The following RAP1GAP2 variants were observed in gnomAD, a reference collection of about 807,000 sequenced individuals.
RAP1GAP2 encodes RAP1 GTPase activating protein 2.
Under a neutral mutation model 95.0 loss-of-function variants are expected in RAP1GAP2, and 27 were observed. That is an observed-to-expected ratio of 0.28 (90% CI 0.21 to 0.39). The LOEUF is 0.39. RAP1GAP2 is among the 10% of genes least tolerant of loss of function. The pLI is 1.00. For synonymous variants in RAP1GAP2, 373 were observed against 380.9 expected, an observed-to-expected ratio of 0.98 and a Z score of 0.24; for missense variants, 771 against 970.0, an observed-to-expected ratio of 0.79 and a Z score of 2.72.
intron 1 of RAP1GAP2, among the ~76,000 whole-genome samples, chr17:2,756,342 C>T (rs959663144): frequency 6.6e-6 from 1 of 152,226 alleles, no homozygotes; most frequent in Non-Finnish European, 1.5e-5. Context: ...GCGGGGCAGT[C>T]GCCCTTTCCC....
intron 1 of RAP1GAP2, among the ~76,000 whole-genome samples, chr17:2,777,731 G>A (rs1366513649): frequency 6.6e-6 from 1 of 152,200 alleles, no homozygotes; most frequent in Non-Finnish European, 1.5e-5. Flanking sequence ...GGGGTTTGCT[G>A]GGATGTGCCC....
intron 2 of RAP1GAP2, among the ~76,000 whole-genome samples, chr17:2,860,914 G>A (rs182431834): frequency 3.3e-5 from 5 of 151,986 alleles, no homozygotes; most frequent in East Asian, 3.9e-4. Flanking sequence ...CCGACTTTCC[G>A]TTATACTTTA....
intron 3 of RAP1GAP2, among the ~76,000 whole-genome samples, chr17:2,925,471 A>G (rs1036911): frequency 0.51 from 77,663 of 151,938 alleles, 20,796 homozygotes; most frequent in East Asian, 0.62. Flanking sequence ...ACGTAAACCC[A>G]TCAGATCTCA....
At chr17:2,765,960 A>G (rs1292354627) in intron 1 of RAP1GAP2, among the ~76,000 whole-genome samples, 1 of 151,922 alleles carries the variant, frequency 6.6e-6, no homozygotes, top group African/African-American at 2.4e-5. Context: ...CAGAGTGAGA[A>G]CCTGTCTCCA....
intron 1 of RAP1GAP2, among the ~76,000 whole-genome samples, chr17:2,798,075 G>C (rs1385098057): frequency 6.6e-6 from 1 of 152,232 alleles, no homozygotes; most frequent in Non-Finnish European, 1.5e-5. Flanking sequence ...GGGCAGGTGA[G>C]GGGGAAGACA....
upstream of RAP1GAP2, among the ~76,000 whole-genome samples, chr17:2,793,052 G>A (rs1490255797): frequency 3.3e-5 from 5 of 152,098 alleles, no homozygotes; most frequent in South Asian, 2.1e-4. Context: ...CTATCACCCC[G>A]CTTCTCTCTC....
At chr17:2,820,201 A>G (rs1421050641) in intron 2 of RAP1GAP2, among the ~76,000 whole-genome samples, 1 of 152,102 alleles carries the variant, frequency 6.6e-6, no homozygotes, top group African/African-American at 2.4e-5. Flanking sequence ...TGATATTGCA[A>G]GCAATGCTGC....
chr17:2,933,917 C>A (rs530694607), intron 3 of RAP1GAP2, among the ~76,000 whole-genome samples: 17 of 152,266 alleles, frequency 1.1e-4, no homozygotes, highest in African/African-American at 3.9e-4. Flanking sequence ...AGGAACCTTA[C>A]GCCTTAACCA....
chr17:2,800,246 G>A, intron 1 of RAP1GAP2: 1 of 984,506 alleles, frequency 1.0e-6, no homozygotes, highest in Non-Finnish European at 1.2e-6. Context: ...GACTGGGCCA[G>A]TGATTTTACC....
intron 2 of RAP1GAP2, among the ~76,000 whole-genome samples, chr17:2,895,006 C>T (rs1051022467): frequency 7.2e-5 from 11 of 152,132 alleles, no homozygotes; most frequent in African/African-American, 7.2e-5. Context: ...GTTCAGCATG[C>T]GGCACCTTTT....
Position 2,902,068 on chromosome 17 carries a change from G to C in RAP1GAP2, c.81-3216G>C, listed in dbSNP as rs2042041031. Among the ~76,000 whole-genome samples, 1 of 152,214 alleles carries C rather than the reference G, an allele frequency of 6.6e-6. No individual in the cohort carries two copies. The highest frequency in any genetic ancestry group is 6.5e-5 in the Admixed American group (1 of 15,284). ...CAGCAGGGCGACGCTCCCTCTGCAG[G>C]CTCTAGGGAAGAATCCTTCCTCGCC... On this transcript the variant is annotated intron_variant, in intron 2 of 24. Coordinates refer to ENST00000254695, the MANE Select transcript of RAP1GAP2 (RefSeq NM_015085.5). This position sits in a 1 kb window ranked among gnomAD's most constrained non-coding sequence, Gnocchi z 4.1.
Position 2,817,141 on chromosome 17 carries a change from C to T in RAP1GAP2, c.80+16591C>T, listed in dbSNP as rs769818554. Among the ~76,000 whole-genome samples the T allele has an allele frequency of 4.2e-5, 5 of 118,424 alleles. 2 individuals are homozygous for T. The highest frequency in any genetic ancestry group is 1.0e-4 in the Non-Finnish European group (5 of 49,560). 77.7% of individuals were successfully genotyped at this position (118,424 alleles called of 152,430 possible). The stretch of plus-strand genomic sequence containing the variant: ...TAGCTGGGATTACAGGTGTGCACCA[C>T]CACACAAGGCTAATTTCTGTATTTT... On this transcript the variant is annotated intron_variant, in intron 2 of 24. Transcript: ENST00000254695.
intron 2 of RAP1GAP2, among the ~76,000 whole-genome samples, chr17:2,806,096 C>T (rs989803286): frequency 7.2e-5 from 11 of 152,176 alleles, no homozygotes; most frequent in African/African-American, 2.4e-4. Context: ...ACGGGGAGGG[C>T]CTGGAGGAGC....
At chr17:3,018,219 G>A in intron 18 of RAP1GAP2, 21 bp downstream of exon 18, 1 of 1,544,632 alleles carries the variant, frequency 6.5e-7, no homozygotes, top group Non-Finnish European at 8.7e-7. Context: ...GCAGGCCCCG[G>A]GGCGGCAAGT....
chr17:2,965,638 C>A lies in RAP1GAP2; in HGVS notation c.591C>A (p.Ile197=), dbSNP rs761054321. Residue 197 remains isoleucine, a synonymous_variant, in exon 8 of 25, where the codon ATC becomes ATA. Transcript: ENST00000254695. The surrounding 1 kb of genome is among the most constrained non-coding windows in gnomAD (Gnocchi z 4.7). The part of the protein sequence containing the change: ...EAEGIEYLRV[I]LRSKLKTVHE... ...AGGGGATCGAGTACCTCCGGGTCAT[C>A]CTTAGGTAGGGCTGTTGCGCTGCTT... The A allele has an allele frequency of 6.2e-6, 10 of 1,605,466 alleles. No homozygotes were observed. In the East Asian group the frequency reaches 2.0e-4, roughly 32 times the overall value.
At chr17:2,941,217 C>T (rs929022044) in intron 3 of RAP1GAP2, among the ~76,000 whole-genome samples, 4 of 152,106 alleles carry the variant, frequency 2.6e-5, no homozygotes, top group Admixed American at 6.5e-5. Context: ...GCCTGGCCAA[C>T]GTGGTGAAAC....
chr17:2,903,348 C>G lies in RAP1GAP2; in HGVS notation c.81-1936C>G, dbSNP rs1426267310. Among the ~76,000 whole-genome samples the G allele has an allele frequency of 6.6e-6, 1 of 152,164 alleles. No individual in the cohort carries two copies. The highest frequency in any genetic ancestry group is 1.5e-5 in the Non-Finnish European group (1 of 68,024). On this transcript the variant is annotated intron_variant, in intron 2 of 24. Coordinates refer to ENST00000254695, the MANE Select transcript of RAP1GAP2 (RefSeq NM_015085.5). The surrounding 1 kb of genome is among the most constrained non-coding windows in gnomAD (Gnocchi z 4.1). ...AGGAGGCGGTGAGCCTGTGCTGGAC[C>G]CAGCTCTGTTGTGCACACAGGCAGG...
At chr17:2,828,420 GAA>G (rs199805745) in intron 2 of RAP1GAP2, among the ~76,000 whole-genome samples, 4 of 145,244 alleles carry the variant, frequency 2.8e-5, no homozygotes, top group African/African-American at 1.0e-4. Context: ...AGTGAAAGTT[GAA>G]AAAAAAAAAG....
intron 3 of RAP1GAP2, among the ~76,000 whole-genome samples, chr17:2,907,746 C>T (rs1466512782): frequency 6.6e-6 from 1 of 152,098 alleles, no homozygotes; most frequent in Non-Finnish European, 1.5e-5. Flanking sequence ...ACACCTGCAC[C>T]ATTTGCGAGC....
Sources: gnomAD v4.1 joint callset for allele counts (sites outside exome capture counted in the v4.1 genomes callset) on GRCh38, gnomAD v4.1.1 for gene constraint, Gnocchi (gnomAD v3.1) non-coding constraint, MANE v1.5 for transcripts, NCBI Gene and HGNC (gene_info 2026-07-23, HGNC 2026-07-21) for gene names.